Variants in EBF1 observed in about 807,000 individuals in gnomAD.
The protein encoded by EBF1 is transcription factor COE1.
EBF1 carries 10 observed loss-of-function variants against 68.4 expected under a neutral mutation model. The observed-to-expected ratio is 0.15, with a 90% CI of 0.09 to 0.25. The LOEUF (loss-of-function observed/expected upper bound fraction) is 0.25, where lower values mean the gene tolerates loss of function less well. EBF1 is among the 10% of genes least tolerant of loss of function. The pLI is 1.00. For missense variants in EBF1, 509 were observed against 794.4 expected, an observed-to-expected ratio of 0.64 and a Z score of 4.32; for synonymous variants, 298 against 299.8, an observed-to-expected ratio of 0.99 and a Z score of 0.06.
chr5:158,887,294 G>A lies in EBF1; in HGVS notation c.555-47184C>T, dbSNP rs1479155679. 2.6e-5 allele frequency among the ~76,000 whole-genome samples: 4 copies of A among 152,234 alleles called. No individual in the cohort carries two copies. The East Asian group carries it at 5.8e-4, about 22-fold the overall frequency. The stretch of plus-strand genomic sequence containing the variant: ...TCTGCTGAATTATAACAGCCAAGCC[G>A]AAGATACATCTTTTCCTTGTCAATA... On this transcript the variant is annotated intron_variant, in intron 6 of 15. Coordinates refer to ENST00000313708, the MANE Select transcript of EBF1 (RefSeq NM_024007.5).
chr5:158,749,828 G>T (rs1052995509), intron 10 of EBF1, among the ~76,000 whole-genome samples: 2 of 152,090 alleles, frequency 1.3e-5, no homozygotes, highest in Non-Finnish European at 2.9e-5. Context: ...TCATTAGCCT[G>T]CTAGAATATT....
chr5:158,745,201 G>C (rs1236273987), intron 10 of EBF1, among the ~76,000 whole-genome samples: 4 of 152,098 alleles, frequency 2.6e-5, no homozygotes, highest in African/African-American at 9.7e-5. Flanking sequence ...TGGGTATGTG[G>C]CCACTTCCGC....
intron 8 of EBF1, among the ~76,000 whole-genome samples, chr5:158,801,168 T>A (rs1780512521): frequency 6.6e-6 from 1 of 152,102 alleles, no homozygotes. Flanking sequence ...TACCACAGTT[T>A]AGCATAATGG....
At position 158,713,056 on chromosome 5, in the gene EBF1, G is replaced by A. The variant is rs776689677; in HGVS notation, c.1283C>T (p.Ser428Leu). The A allele has an allele frequency of 1.2e-6, 2 of 1,600,170 alleles. No homozygotes were observed. Among genetic ancestry groups the A allele is most frequent in the South Asian group, 2.3e-5 (2 of 88,756 alleles). The change falls in exon 13 of 16, where the codon TCG becomes TTG. Residue 428 changes from serine to leucine, a missense_variant. Ser to Leu is a moderately radical substitution (Grantham distance 145). Coordinates refer to ENST00000313708, the MANE Select transcript of EBF1 (RefSeq NM_024007.5). ...CACGCCCATCATCCCTGCGTGGACC[G>A]AGGTGTTAGCAAGGGCCGGGAGTTG... is the stretch of plus-strand genomic sequence containing the variant. ...HNQLPALANT[S>L]VHAGMMGVNS...
At chr5:158,787,251 T>C (rs1399995361) in intron 9 of EBF1, among the ~76,000 whole-genome samples, 1 of 152,186 alleles carries the variant, frequency 6.6e-6, no homozygotes, top group African/African-American at 2.4e-5. Flanking sequence ...CCACTGTCAT[T>C]AATGAGCTGC....
In EBF1 at chr5:158,911,862, T is replaced by C. The variant is rs143576959; in HGVS notation, c.555-71752A>G. Among the ~76,000 whole-genome samples the C allele has an allele frequency of 5.9e-3, 892 of 152,312 alleles. 14 individuals are homozygous for C. Among genetic ancestry groups the C allele is most frequent in the African/African-American group, 0.021 (853 of 41,564 alleles). On this transcript the variant is annotated intron_variant, in intron 6 of 15. Coordinates refer to ENST00000313708, the MANE Select transcript of EBF1 (RefSeq NM_024007.5). ...TAGATTAGATGATGCTGTCATCCCATTGTTATCCAATTTATTCTTCTCTGA... is the reference window on the plus strand; with the variant it reads ...TAGATTAGATGATGCTGTCATCCCACTGTTATCCAATTTATTCTTCTCTGA...
intron 6 of EBF1, among the ~76,000 whole-genome samples, chr5:158,985,077 C>A (rs966201884): frequency 6.6e-6 from 1 of 152,116 alleles, no homozygotes; most frequent in African/African-American, 2.4e-5. Flanking sequence ...ACTATAGTTT[C>A]TTTTCAAATA....
intron 14 of EBF1, among the ~76,000 whole-genome samples, chr5:158,708,472 G>A (rs1398918440): frequency 1.3e-5 from 2 of 152,160 alleles, no homozygotes; most frequent in African/African-American, 2.4e-5. Context: ...ATGACCCCTG[G>A]TCATCAGCCC....
rs1320579935 is a variant in EBF1, at chr5:158,696,708, C to G, written c.*2403G>C. 5.4e-6 allele frequency: 1 copy of G among 186,200 alleles called. No homozygotes were observed. The highest frequency in any genetic ancestry group is 1.1e-5 in the Non-Finnish European group (1 of 89,802). The allele number at this position is 186,200 out of a possible 1,614,324, so 11.5% of individuals were successfully genotyped here. A position where few individuals can be genotyped will look rare whatever the true frequency, so the allele number is the denominator to read the frequency against. On this transcript the variant is annotated 3_prime_UTR_variant, in exon 16 of 16. Transcript: ENST00000313708. ...CTTTCCTCCCTCCCCTACCCTCCCA[C>G]AACTCCCCTCCCCCACCCACCCCAA...
At chr5:159,018,716 TCTA>T (rs1181835212) in intron 6 of EBF1, among the ~76,000 whole-genome samples, 1 of 152,174 alleles carries the variant, frequency 6.6e-6, no homozygotes. Context: ...TTACAAAAAC[TCTA>T]TGATGTAAGA....
chr5:158,774,447 T>C (rs578240599), intron 10 of EBF1, among the ~76,000 whole-genome samples: 13 of 152,004 alleles, frequency 8.6e-5, no homozygotes, highest in Non-Finnish European at 1.3e-4. Flanking sequence ...AGGCCTTAGT[T>C]TGGGGTGTTA....
intron 4 of EBF1, among the ~76,000 whole-genome samples, chr5:159,094,633 T>C (rs1782256530): frequency 6.6e-6 from 1 of 152,222 alleles, no homozygotes. Flanking sequence ...ATTTCTCTTA[T>C]TTTAAAGGAA....
chr5:158,818,856 C>A (rs1160298442), intron 8 of EBF1, among the ~76,000 whole-genome samples: 1 of 151,186 alleles, frequency 6.6e-6, no homozygotes, highest in Non-Finnish European at 1.5e-5. Flanking sequence ...TGTTTATATT[C>A]TAAAAACTCT....
chr5:159,005,322 T>C (rs2127660525), intron 6 of EBF1, among the ~76,000 whole-genome samples: 1 of 152,314 alleles, frequency 6.6e-6, no homozygotes, highest in East Asian at 1.9e-4. Flanking sequence ...TTCCCCTAAA[T>C]ATTGTCAGTA....
chr5:158,719,480 T>C (rs974200362), intron 11 of EBF1, among the ~76,000 whole-genome samples: 1 of 152,212 alleles, frequency 6.6e-6, no homozygotes, highest in Non-Finnish European at 1.5e-5. Flanking sequence ...TTTTATGAGT[T>C]AAAAATCTTA....
intron 6 of EBF1, among the ~76,000 whole-genome samples, chr5:158,962,163 G>A (rs949092791): frequency 2.0e-5 from 3 of 152,120 alleles, no homozygotes; most frequent in African/African-American, 7.2e-5. Flanking sequence ...TCCAAAATAC[G>A]TAAACAACAT....
At chr5:158,854,491 G>A (rs1180105969) in intron 6 of EBF1, among the ~76,000 whole-genome samples, 1 of 152,214 alleles carries the variant, frequency 6.6e-6, no homozygotes, top group East Asian at 1.9e-4. Context: ...AGTGAAGGCA[G>A]TGCATATTTA....
rs547187914 is a variant in EBF1, at chr5:158,855,012, A to C, written c.555-14902T>G. 5.3e-4 allele frequency among the ~76,000 whole-genome samples: 81 copies of C among 152,316 alleles called. 2 individuals are homozygous for C. The South Asian group carries it at 0.015, about 27-fold the overall frequency. On this transcript the variant is annotated intron_variant, in intron 6 of 15. Transcript: ENST00000313708. ...AATCAGTAAAAGAACCCCAGGTCACATATAAGTGAAAGAACCAGGATCTGG... is the reference window on the plus strand; with the variant it reads ...AATCAGTAAAAGAACCCCAGGTCACCTATAAGTGAAAGAACCAGGATCTGG...
At chr5:158,861,126 CCT>C (rs541017714) in intron 6 of EBF1, among the ~76,000 whole-genome samples, 160 of 152,182 alleles carry the variant, frequency 1.1e-3, no homozygotes, top group Non-Finnish European at 1.9e-3. Flanking sequence ...TCACTTGTCC[CCT>C]GTGTCCCCTG....
Sources: allele counts gnomAD v4.1 joint callset (sites outside exome capture counted in the v4.1 genomes callset), GRCh38; gene constraint gnomAD v4.1.1; transcripts MANE v1.5; gene names NCBI Gene and HGNC (gene_info 2026-07-23, HGNC 2026-07-21).